RBBP8: variants seen among roughly 807,000 people sequenced by gnomAD.
The protein encoded by RBBP8 is DNA endonuclease RBBP8.
Under a neutral mutation model 108.3 loss-of-function variants are expected in RBBP8, and 88 were observed. The observed-to-expected ratio is 0.81, with a 90% CI of 0.68 to 0.97. The LOEUF (loss-of-function observed/expected upper bound fraction) is 0.97, where lower values mean the gene tolerates loss of function less well. RBBP8 is among the 50% of genes least tolerant of loss of function. The pLI is 0.00. For synonymous variants in RBBP8, 332 were observed against 348.2 expected (o/e 0.95, Z 0.52); for missense variants, 1,023 against 1,049.0 (o/e 0.98, Z 0.34).
At chr18:23,022,663 T>TAAATAAAATAA (rs1555650173) in intron 18 of RBBP8, among the ~76,000 whole-genome samples, 3 of 99,822 alleles carry the variant, frequency 3.0e-5, no homozygotes, top group South Asian at 3.3e-4. Context: ...TAAAATAAAA[T>TAAATAAAATAA]AAAATAAATA....
intron 6 of RBBP8, among the ~76,000 whole-genome samples, chr18:22,979,844 C>T (rs1289677136): frequency 6.6e-6 from 1 of 152,166 alleles, no homozygotes; most frequent in African/African-American, 2.4e-5. Context: ...CAAATGTTTA[C>T]GCCATACCTA....
chr18:23,022,338 C>T lies in RBBP8; in HGVS notation c.2596+68C>T, dbSNP rs566080976. On this transcript the variant is annotated intron_variant, in intron 18 of 18. Transcript: ENST00000327155. ...ATACTTGGCCGGGCACAGTGGCTCACGCCTATAATCCCAACACTTTGAGAG... is the reference window on the plus strand; with the variant it reads ...ATACTTGGCCGGGCACAGTGGCTCATGCCTATAATCCCAACACTTTGAGAG... 8.2e-6 allele frequency: 12 copies of T among 1,459,802 alleles called. No homozygotes were observed. In the Middle Eastern group the frequency reaches 5.7e-4, roughly 69 times the overall value. 90.4% of individuals were successfully genotyped at this position (1,459,802 alleles called of 1,614,324 possible).
chr18:22,961,033 A>G (rs1261291629), intron 4 of RBBP8, among the ~76,000 whole-genome samples: 2 of 152,230 alleles, frequency 1.3e-5, no homozygotes, highest in East Asian at 3.8e-4. Flanking sequence ...AATTGTAAAG[A>G]TTATTGGTAA....
intron 3 of RBBP8, 59 bp downstream of exon 3, chr18:22,946,545 A>C: frequency 6.2e-7 from 1 of 1,602,470 alleles, no homozygotes; most frequent in Non-Finnish European, 8.5e-7. Flanking sequence ...ACTGATGTCC[A>C]ATTTGACATT....
chr18:22,918,482 C>T (rs1909453446), intron 3 of RBBP8, among the ~76,000 whole-genome samples: 1 of 152,102 alleles, frequency 6.6e-6, no homozygotes, highest in Non-Finnish European at 1.5e-5. Context: ...TAAACATATA[C>T]TGACATAGAA....
intron 4 of RBBP8, among the ~76,000 whole-genome samples, chr18:22,964,600 T>C (rs540446901): frequency 2.6e-5 from 4 of 151,176 alleles, no homozygotes; most frequent in South Asian, 4.1e-4. Context: ...CTTCTATTTG[T>C]AGTTCTTTCT....
chr18:23,010,164 G>A (rs1446981045), intron 16 of RBBP8, among the ~76,000 whole-genome samples: 1 of 152,138 alleles, frequency 6.6e-6, no homozygotes, highest in African/African-American at 2.4e-5. Flanking sequence ...TGACCCTACT[G>A]TAGTTTATAC....
chr18:22,930,395 G>GA (rs2030154812), upstream of RBBP8, among the ~76,000 whole-genome samples: 1 of 152,164 alleles, frequency 6.6e-6, no homozygotes, highest in Non-Finnish European at 1.5e-5. Flanking sequence ...TAAGCATGCT[G>GA]AAATTGAAAA....
At chr18:22,950,719 A>G (rs1911963968) in intron 4 of RBBP8, among the ~76,000 whole-genome samples, 1 of 152,220 alleles carries the variant, frequency 6.6e-6, no homozygotes, top group Non-Finnish European at 1.5e-5. Flanking sequence ...CCAGTAGTTC[A>G]AAACCAGCGT....
chr18:22,936,141 G>T (rs769913739), intron 1 of RBBP8, among the ~76,000 whole-genome samples: 78 of 151,740 alleles, frequency 5.1e-4, no homozygotes, highest in African/African-American at 1.8e-3. Context: ...GGTCTCTGTC[G>T]CTCAGGCTGG....
chr18:22,992,273 G>A (rs1915752868), intron 10 of RBBP8, among the ~76,000 whole-genome samples: 1 of 152,204 alleles, frequency 6.6e-6, no homozygotes, highest in African/African-American at 2.4e-5. Context: ...TTAGCTCACT[G>A]CAACCTCCAC....
At chr18:22,972,635 A>G (rs965726630) in intron 5 of RBBP8, among the ~76,000 whole-genome samples, 3 of 152,014 alleles carry the variant, frequency 2.0e-5, no homozygotes, top group Admixed American at 6.5e-5. Flanking sequence ...GCTGGCCTCG[A>G]ACTCCTAACC....
At chr18:22,938,956 A>G (rs1910820379) in intron 2 of RBBP8, among the ~76,000 whole-genome samples, 1 of 152,198 alleles carries the variant, frequency 6.6e-6, no homozygotes, top group Non-Finnish European at 1.5e-5. Context: ...GGTTGAGATG[A>G]GTAAATATTA....
chr18:23,025,465 T>C (rs1451622016), intron 18 of RBBP8, among the ~76,000 whole-genome samples: 1 of 152,138 alleles, frequency 6.6e-6, no homozygotes, highest in Non-Finnish European at 1.5e-5. Flanking sequence ...CCAGATTGAG[T>C]CAACTTTGAT....
At position 22,997,728 on chromosome 18, in the gene RBBP8, A is replaced by C; in HGVS notation, c.2137A>C (p.Ser713Arg). 1.3e-6 allele frequency: 2 copies of C among 1,572,908 alleles called. No homozygotes were observed. The highest frequency in any genetic ancestry group is 1.7e-6 in the Non-Finnish European group (2 of 1,148,118). The change falls in exon 14 of 19, where the codon AGT becomes CGT. Residue 713 changes from serine (S) to arginine (R), a missense_variant. Transcript: ENST00000327155. ...GAAGCAAGAGCAGAAGGGAGAAAAA[A>C]GTTCAAGTAAGATCTGTTTTTGTTT... ...MKKQEQKGEK[S>R]SNEERKMNDS...
chr18:22,995,633 G>T (rs935406553), intron 12 of RBBP8, among the ~76,000 whole-genome samples: 5 of 152,024 alleles, frequency 3.3e-5, no homozygotes, highest in Non-Finnish European at 7.4e-5. Context: ...CCTATTCTGG[G>T]AGTTTTCATA....
In RBBP8 at chr18:22,993,483, G is replaced by T. The variant is rs778597655; in HGVS notation, c.1656G>T (p.Glu552Asp). ...CGTTGCCCAAAGATTCCCCAGGGGA[G>T]CCCTGTTCACAGGAATGCATCATCC... ...NCTLPKDSPG[E>D]PCSQECIILQ... Residue 552 changes from glutamate (E) to aspartate (D), a missense_variant, in exon 11 of 19, where the codon GAG becomes GAT. Coordinates refer to ENST00000327155, the MANE Select transcript of RBBP8 (RefSeq NM_002894.3). 5.6e-5 allele frequency: 91 copies of T among 1,614,010 alleles called. No homozygotes were observed. The highest frequency in any genetic ancestry group is 8.3e-5 in the Admixed American group (5 of 59,972).
In RBBP8 at chr18:22,963,632, T is replaced by C. The variant is rs188978921; in HGVS notation, c.249-5174T>C. Among the ~76,000 whole-genome samples the C allele has an allele frequency of 2.7e-3, 413 of 152,360 alleles. 2 individuals are homozygous for C. The highest frequency in any genetic ancestry group is 9.5e-3 in the African/African-American group (394 of 41,598). ...CGTAGTGGTCATCAGAGGTTCCTTT[T>C]ACTGCTTTCCTTTTTCATATATCTA... On this transcript the variant is annotated intron_variant, in intron 4 of 18. Transcript: ENST00000327155.
In RBBP8 at chr18:22,936,978, ATACT is replaced by A. The variant is rs1276124891; in HGVS notation, c.109+22_109+25del. On this transcript the variant is annotated intron_variant, in intron 2 of 18. Transcript: ENST00000327155. ...AGTACAAGGTAAAATCTTTTCTTAAATACTTACAGCAGTATTTTGTTGAGACTGT... is the reference window on the plus strand; with the variant it reads ...AGTACAAGGTAAAATCTTTTCTTAAATACAGCAGTATTTTGTTGAGACTGT... 3.1e-6 allele frequency: 5 copies of A among 1,613,472 alleles called. No individual in the cohort carries two copies. Among genetic ancestry groups the A allele is most frequent in the East Asian group, 2.2e-5 (1 of 44,858 alleles).
Sources: allele counts gnomAD v4.1 joint callset (sites outside exome capture counted in the v4.1 genomes callset), GRCh38; gene constraint gnomAD v4.1.1; transcripts MANE v1.5; gene names NCBI Gene and HGNC (gene_info 2026-07-23, HGNC 2026-07-21).